The following NFYC variants were observed in gnomAD, a reference collection of about 807,000 sequenced individuals.
NFYC encodes nuclear transcription factor Y subunit gamma, also known as CAAT box DNA-binding protein subunit C.
A neutral mutation model predicts 53.1 loss-of-function variants in NFYC; 25 were observed. That is an observed-to-expected ratio of 0.47 (90% confidence interval 0.34 to 0.66). The LOEUF is 0.66. NFYC is among the 30% of genes least tolerant of loss of function. NFYC has a pLI of 0.01. For synonymous variants in NFYC, 145 were observed against 152.6 expected (o/e 0.95, Z 0.37); for missense variants, 260 against 422.7 (o/e 0.62, Z 3.38).
Position 40,770,129 on chromosome 1 carries a change from A to G in NFYC, c.889-580A>G, listed in dbSNP as rs1262991566. Among the ~76,000 whole-genome samples the G allele has an allele frequency of 6.6e-6, 1 of 152,126 alleles. No individual in the cohort carries two copies. The highest frequency in any genetic ancestry group is 1.5e-5 in the Non-Finnish European group (1 of 68,016). On this transcript the variant is annotated intron_variant, in intron 9 of 9. Transcript: ENST00000447388. The surrounding 1 kb of genome is among the most constrained non-coding windows in gnomAD (Gnocchi z 5.3). ...GAAACCAAGTAGTCAATTAGCCCTG[A>G]CCTTCCTAAGTGGCTGTGTGAGTAT...
intron 1 of NFYC, among the ~76,000 whole-genome samples, chr1:40,698,383 C>T (rs1465301000): frequency 3.3e-5 from 5 of 151,440 alleles, no homozygotes; most frequent in African/African-American, 7.3e-5. Context: ...AAAAAATTCA[C>T]GTTCAAGGTA....
intron 1 of NFYC, among the ~76,000 whole-genome samples, chr1:40,730,195 C>CTTTTTTTT (rs34045698): frequency 2.3e-4 from 23 of 101,968 alleles, no homozygotes; most frequent in Admixed American, 3.5e-4. Flanking sequence ...TCTTTCTTTT[C>CTTTTTTTT]TTTTTTTTTT....
In NFYC at chr1:40,692,305, G is replaced by C. The variant is rs550483756; in HGVS notation, c.-9+438G>C. The C allele has an allele frequency of 5.1e-5, 8 of 156,866 alleles. 1 individual carries two copies. In the South Asian group the frequency reaches 1.2e-3, roughly 23 times the overall value. 9.7% of individuals were successfully genotyped at this position (156,866 alleles called of 1,614,324 possible). The stretch of plus-strand genomic sequence containing the variant: ...GCGTGGGGTTGCGGCGAGAGGGCGA[G>C]CCTAGAGGCTTTAAGGGGGAAGAGA... On this transcript the variant is annotated intron_variant, in intron 1 of 9. Transcript: ENST00000447388.
At chr1:40,745,923 G>A (rs1645585495) in intron 2 of NFYC, among the ~76,000 whole-genome samples, 2 of 152,044 alleles carry the variant, frequency 1.3e-5, no homozygotes, top group African/African-American at 2.4e-5. Context: ...TGACCAGACT[G>A]GTCTCAAACT....
At chr1:40,727,208 T>TTGG (rs528948304) in intron 1 of NFYC, among the ~76,000 whole-genome samples, 10 of 147,318 alleles carry the variant, frequency 6.8e-5, no homozygotes, top group African/African-American at 9.8e-5. Context: ...TTTTTGTTTG[T>TTGG]TTGTTTGGTT....
chr1:40,756,212 T>C (rs1181369978), intron 5 of NFYC, among the ~76,000 whole-genome samples: 1 of 152,208 alleles, frequency 6.6e-6, no homozygotes, highest in Non-Finnish European at 1.5e-5. Flanking sequence ...CTGCAAAAGG[T>C]ATCAGTATTT....
intron 1 of NFYC, among the ~76,000 whole-genome samples, chr1:40,736,721 T>C (rs1645043154): frequency 6.6e-6 from 1 of 151,688 alleles, no homozygotes; most frequent in Admixed American, 6.6e-5. Flanking sequence ...ATCCGAAACT[T>C]TTTGAGCCCT....
intron 6 of NFYC, among the ~76,000 whole-genome samples, chr1:40,762,215 G>A (rs929034630): frequency 6.6e-6 from 1 of 152,134 alleles, no homozygotes; most frequent in African/African-American, 2.4e-5. Flanking sequence ...CTATTAATTA[G>A]GGGTAGACTT....
chr1:40,703,649 G>A (rs1242900300), intron 1 of NFYC, among the ~76,000 whole-genome samples: 1 of 151,954 alleles, frequency 6.6e-6, no homozygotes, highest in East Asian at 1.9e-4. Flanking sequence ...GGCTAAAATC[G>A]GATTTGATTT....
chr1:40,719,134 G>T (rs1228018118), intron 1 of NFYC, among the ~76,000 whole-genome samples: 3 of 152,218 alleles, frequency 2.0e-5, no homozygotes, highest in Non-Finnish European at 4.4e-5. Context: ...CTCCCAAAGT[G>T]CTGGGATTAC....
intron 4 of NFYC, 97 bp from the exon 5 acceptor site, chr1:40,753,054 T>C (rs1646003288): frequency 1.3e-6 from 1 of 791,036 alleles, no homozygotes; most frequent in Non-Finnish European, 2.1e-6. Flanking sequence ...GTGTTTAGTT[T>C]GGCTTAAAAG....
In NFYC at chr1:40,771,040, C is replaced by CT. The variant is rs1197895182; in HGVS notation, c.*213dup. The CT allele has an allele frequency of 8.4e-6, 5 of 592,302 alleles. No individual in the cohort carries two copies. The highest frequency in any genetic ancestry group is 3.7e-5 in the African/African-American group (2 of 53,820). 36.7% of individuals were successfully genotyped at this position (592,302 alleles called of 1,614,324 possible). A position where few individuals can be genotyped will look rare whatever the true frequency, so the allele number is the denominator to read the frequency against. On this transcript the variant is annotated 3_prime_UTR_variant, in exon 10 of 10. Transcript: ENST00000447388. ...GTTTCCTTTTTTTCCATTTTTTTCT[C>CT]TAAGGAATCAATATTTCAATATGTT...
intron 1 of NFYC, among the ~76,000 whole-genome samples, chr1:40,721,427 G>C (rs1452775489): frequency 6.6e-6 from 1 of 152,166 alleles, no homozygotes. Context: ...GCCAGGTTGA[G>C]TGGGGAGCTG....
intron 2 of NFYC, among the ~76,000 whole-genome samples, chr1:40,741,183 G>GC (rs1553157081): frequency 6.6e-6 from 1 of 151,718 alleles, no homozygotes; most frequent in Admixed American, 6.6e-5. Flanking sequence ...TCAACTTAAT[G>GC]TTTTTTTTCC....
intron 2 of NFYC, among the ~76,000 whole-genome samples, chr1:40,745,654 T>A (rs962306530): frequency 2.6e-5 from 4 of 152,158 alleles, no homozygotes; most frequent in Non-Finnish European, 4.4e-5. Context: ...CCAGCATCCC[T>A]TAGACACAAT....
chr1:40,728,031 G>A (rs1644600330), intron 1 of NFYC, among the ~76,000 whole-genome samples: 1 of 151,624 alleles, frequency 6.6e-6, no homozygotes, highest in African/African-American at 2.4e-5. Context: ...CTCATGCTTT[G>A]GCCTCTAGAG....
intron 1 of NFYC, chr1:40,730,484 G>A (rs1198516924): frequency 1.2e-6 from 1 of 865,694 alleles, no homozygotes; most frequent in Non-Finnish European, 1.4e-6. Context: ...AGTTGGTAGA[G>A]CAGTATCTGT....
intron 1 of NFYC, among the ~76,000 whole-genome samples, chr1:40,693,252 T>C (rs1642938679): frequency 6.6e-6 from 1 of 152,230 alleles, no homozygotes; most frequent in Non-Finnish European, 1.5e-5. Context: ...AAGTTTTTAT[T>C]CCAATCCAGA....
rs1262663059 is a variant in NFYC at position 40,770,723 on chromosome 1, C to T, written c.903C>T (p.Ile301=). The change falls in exon 10 of 10, where the codon ATC becomes ATT. Residue 301 remains isoleucine, a synonymous_variant. Coordinates refer to ENST00000447388, the MANE Select transcript of NFYC (RefSeq NM_014223.5). The surrounding 1 kb of genome is among the most constrained non-coding windows in gnomAD (Gnocchi z 5.3). ...QFTDGQQLYQ[I]QQVTMPAGQD... is the part of the protein sequence containing the mutation. Reference sequence around the variant, plus strand: ...ACCCCTCGCAGCAGCTCTACCAGATCCAGCAAGTCACCATGCCTGCGGGCC... The same window carrying T: ...ACCCCTCGCAGCAGCTCTACCAGATTCAGCAAGTCACCATGCCTGCGGGCC... 6.2e-7 allele frequency: 1 copy of T among 1,614,046 alleles called. No individual in the cohort carries two copies. Among genetic ancestry groups the T allele is most frequent in the Non-Finnish European group, 8.5e-7 (1 of 1,180,046 alleles).
Sources: gnomAD v4.1 joint callset for allele counts (sites outside exome capture counted in the v4.1 genomes callset) on GRCh38, gnomAD v4.1.1 for gene constraint, Gnocchi (gnomAD v3.1) non-coding constraint, MANE v1.5 for transcripts, NCBI Gene and HGNC (gene_info 2026-07-23, HGNC 2026-07-21) for gene names.